FAR1: variants seen among roughly 807,000 people sequenced by gnomAD.
FAR1 encodes the protein male sterility domain-containing protein 2.
A neutral mutation model predicts 61.1 loss-of-function variants in FAR1; 22 were observed. The observed-to-expected ratio is 0.36, with a 90% confidence interval of 0.26 to 0.51. FAR1 has a LOEUF of 0.51. Ranked by LOEUF, FAR1 falls within the 20% of genes least tolerant of loss-of-function variation. The probability of loss-of-function intolerance (pLI) is 0.95; values close to 1 mark genes in which losing one functional copy is unlikely to be tolerated. For missense variants in FAR1, 359 were observed against 626.9 expected (o/e 0.57, Z 4.56); for synonymous variants, 206 against 209.7 (o/e 0.98, Z 0.15).
At chr11:13,685,887 T>C (rs1848180107) in intron 1 of FAR1, among the ~76,000 whole-genome samples, 1 of 152,210 alleles carries the variant, frequency 6.6e-6, no homozygotes, top group African/African-American at 2.4e-5. Context: ...AGCTGAGGCC[T>C]TGTAGTGGAG....
At chr11:13,699,432 A>G (rs996505371) in intron 2 of FAR1, among the ~76,000 whole-genome samples, 9 of 152,204 alleles carry the variant, frequency 5.9e-5, no homozygotes, top group Non-Finnish European at 1.2e-4. Flanking sequence ...TAGGAGCGGG[A>G]AGACTGTTTA....
intron 9 of FAR1, chr11:13,720,029 A>G (rs1349458429): frequency 4.6e-5 from 7 of 152,222 alleles, no homozygotes; most frequent in Non-Finnish European, 8.8e-5. Flanking sequence ...ATTCCCCAAT[A>G]GTTTTCAATC....
intron 1 of FAR1, among the ~76,000 whole-genome samples, chr11:13,683,308 G>T (rs1848149311): frequency 6.6e-6 from 1 of 151,828 alleles, no homozygotes; most frequent in Admixed American, 6.6e-5. Flanking sequence ...TAGGAGAATT[G>T]CTTGAACCTG....
At chr11:13,724,803 A>G (rs1485218347) in intron 10 of FAR1, among the ~76,000 whole-genome samples, 1 of 152,200 alleles carries the variant, frequency 6.6e-6, no homozygotes, top group Admixed American at 6.5e-5. Flanking sequence ...ACTCCACTGC[A>G]TGTCTCAGTT....
Position 13,681,840 on chromosome 11 carries a change from A to G in FAR1, c.-7-12919A>G, listed in dbSNP as rs184376360. 1.1e-4 allele frequency among the ~76,000 whole-genome samples: 17 copies of G among 152,358 alleles called. 1 individual carries two copies. In the Middle Eastern group the frequency reaches 0.01, roughly 91 times the overall value. ...TTTTGTTATGTAGTGATAGGTAGCC[A>G]GAATACTCCATTCCATACTACTTTC... On this transcript the variant is annotated intron_variant, in intron 1 of 11. Transcript: ENST00000354817.
chr11:13,697,824 T>C (rs1016279348), intron 2 of FAR1, among the ~76,000 whole-genome samples: 7 of 152,186 alleles, frequency 4.6e-5, no homozygotes, highest in African/African-American at 1.7e-4. Context: ...GCTTGCCCCA[T>C]AAGGATTGAT....
chr11:13,673,155 C>T (rs1848029601), intron 1 of FAR1, among the ~76,000 whole-genome samples: 1 of 152,142 alleles, frequency 6.6e-6, no homozygotes, highest in African/African-American at 2.4e-5. Flanking sequence ...TTTTCTTATT[C>T]AAAGAATGAT....
chr11:13,697,142 T>C (rs536614203), intron 2 of FAR1, among the ~76,000 whole-genome samples: 11 of 152,136 alleles, frequency 7.2e-5, no homozygotes, highest in African/African-American at 1.9e-4. Context: ...AGAAACTCCA[T>C]TGGGTGATGA....
rs1490348029 is a variant in FAR1 at position 13,721,927 on chromosome 11, C to G, written c.1257+68C>G. Reference sequence around the variant, plus strand: ...TACTAATTACAGAACTATTAGCAACCTGAGAAATATTTTCCACAGCTATTA... The same window carrying G: ...TACTAATTACAGAACTATTAGCAACGTGAGAAATATTTTCCACAGCTATTA... On this transcript the variant is annotated intron_variant, in intron 10 of 11. Transcript: ENST00000354817. The surrounding 1 kb of genome is among the most constrained non-coding windows in gnomAD (Gnocchi z 4.2). 2.3e-6 allele frequency: 3 copies of G among 1,317,226 alleles called. No individual in the cohort carries two copies. The highest frequency in any genetic ancestry group is 1.5e-5 in the African/African-American group (1 of 67,308). 81.6% of individuals were successfully genotyped at this position (1,317,226 alleles called of 1,614,324 possible).
At chr11:13,719,853 A>G (rs1848590968) in intron 9 of FAR1, 1 of 152,228 alleles carries the variant, frequency 6.6e-6, no homozygotes, top group Non-Finnish European at 1.5e-5. Flanking sequence ...CCTGGACTAG[A>G]TAATCATTAA....
intron 2 of FAR1, among the ~76,000 whole-genome samples, chr11:13,698,190 C>A (rs1291006590): frequency 1.3e-5 from 2 of 152,164 alleles, no homozygotes; most frequent in African/African-American, 4.8e-5. Flanking sequence ...ATCTCCAAAA[C>A]AGTACTTCTT....
rs772425133 is a variant in FAR1 at position 13,708,468 on chromosome 11, CACACACACATACAT to C, written c.545+390_545+403del. ...GCGCGCACACACACACACACACACA[CACACACACATACAT>C]TTATCTCTTTTCTTCAAAAATTTTT... On this transcript the variant is annotated intron_variant, in intron 4 of 11. Transcript: ENST00000354817. Among the ~76,000 whole-genome samples the C allele has an allele frequency of 4.8e-3, 712 of 148,670 alleles. 4 individuals are homozygous for C. The highest frequency in any genetic ancestry group is 0.013 in the South Asian group (60 of 4,630).
In FAR1 at chr11:13,704,378, G is replaced by T. The variant is rs536217382; in HGVS notation, c.366-3522G>T. ...ATATGAAAGATTTTCAGAAAGGAATGGAAGTTAAGATTGATGCTTAGAAAA... is the reference window on the plus strand; with the variant it reads ...ATATGAAAGATTTTCAGAAAGGAATTGAAGTTAAGATTGATGCTTAGAAAA... On this transcript the variant is annotated intron_variant, in intron 3 of 11. Transcript: ENST00000354817. Among the ~76,000 whole-genome samples the T allele has an allele frequency of 9.7e-4, 147 of 152,252 alleles. 1 individual carries two copies. The highest frequency in any genetic ancestry group is 3.0e-3 in the African/African-American group (123 of 41,550).
intron 10 of FAR1, among the ~76,000 whole-genome samples, chr11:13,722,577 G>C (rs949528693): frequency 6.6e-6 from 1 of 151,752 alleles, no homozygotes; most frequent in South Asian, 2.1e-4. Context: ...GGGTTCAAGC[G>C]ATTCTCCTGC....
At chr11:13,678,297 C>T (rs1240369184) in intron 1 of FAR1, among the ~76,000 whole-genome samples, 1 of 152,066 alleles carries the variant, frequency 6.6e-6, no homozygotes, top group Non-Finnish European at 1.5e-5. Context: ...CTGAGTCTCG[C>T]TGTGTCGCCC....
chr11:13,708,882 T>C (rs1848468340), intron 4 of FAR1, among the ~76,000 whole-genome samples: 1 of 152,154 alleles, frequency 6.6e-6, no homozygotes, highest in Non-Finnish European at 1.5e-5. Flanking sequence ...CAGCAATTGT[T>C]ACATGAAAAT....
chr11:13,719,263 A>G (rs984059153), intron 9 of FAR1, among the ~76,000 whole-genome samples: 2 of 152,182 alleles, frequency 1.3e-5, no homozygotes, highest in East Asian at 1.9e-4. Context: ...CTTTCTAAGT[A>G]TCAAAGCAGG....
intron 1 of FAR1, among the ~76,000 whole-genome samples, chr11:13,684,895 A>G (rs1227836541): frequency 2.0e-5 from 3 of 152,214 alleles, no homozygotes; most frequent in East Asian, 3.8e-4. Flanking sequence ...AGGAATTTGT[A>G]GAAACATGTT....
chr11:13,711,550 C>G (rs775880780), intron 5 of FAR1, among the ~76,000 whole-genome samples: 11 of 152,008 alleles, frequency 7.2e-5, no homozygotes, highest in Non-Finnish European at 1.5e-4. Flanking sequence ...GTAGGTAGCC[C>G]TTTGAAAATG....
Sources: allele counts gnomAD v4.1 joint callset (sites outside exome capture counted in the v4.1 genomes callset), GRCh38; gene constraint gnomAD v4.1.1; non-coding constraint Gnocchi (gnomAD v3.1); transcripts MANE v1.5; gene names NCBI Gene and HGNC (gene_info 2026-07-23, HGNC 2026-07-21).